Variants in GGA1 observed in about 807,000 individuals in gnomAD.
GGA1 encodes the protein golgi associated, gamma adaptin ear containing, ARF binding protein 1, also known as ADP-ribosylation factor-binding protein GGA1.
Under a neutral mutation model 76.9 loss-of-function variants are expected in GGA1, and 18 were observed. That is an observed-to-expected ratio of 0.23 (90% CI 0.16 to 0.35). The LOEUF (loss-of-function observed/expected upper bound fraction) is 0.35, where lower values mean the gene tolerates loss of function less well. Among genes scored for constraint, GGA1 ranks in the 10% least tolerant of loss-of-function variants. GGA1 has a pLI of 1.00. For synonymous variants in GGA1, 342 were observed against 354.7 expected (o/e 0.96, Z 0.40); for missense variants, 755 against 859.0 (o/e 0.88, Z 1.51).
chr22:37,613,220 C>T (rs933499321), intron 1 of GGA1: 2 of 943,410 alleles, frequency 2.1e-6, no homozygotes, highest in Admixed American at 6.2e-5. Context: ...ACTGAGGCCC[C>T]TCATTCTCTG....
Position 37,624,725 on chromosome 22 carries a change from G to A in GGA1, c.833-244G>A, listed in dbSNP as rs557670092. 8.5e-5 allele frequency: 39 copies of A among 458,716 alleles called. No homozygotes were observed. The highest frequency in any genetic ancestry group is 7.1e-4 in the African/African-American group (36 of 50,600). The allele number at this position is 458,716 out of a possible 1,614,324, so 28.4% of individuals were successfully genotyped here. A position where few individuals can be genotyped will look rare whatever the true frequency, so the allele number is the denominator to read the frequency against. ...AGAGCTGGAGTGGAGGCCTGGAGGC[G>A]GGAGCGGGCCCAGTGTGTTGAGACA... is the stretch of plus-strand genomic sequence containing the variant. On this transcript the variant is annotated intron_variant, in intron 9 of 16. Transcript: ENST00000343632. This position sits in a 1 kb window ranked among gnomAD's most constrained non-coding sequence, Gnocchi z 4.3.
intron 7 of GGA1, among the ~76,000 whole-genome samples, chr22:37,622,513 G>T (rs1243512414): frequency 2.0e-5 from 3 of 152,048 alleles, no homozygotes; most frequent in African/African-American, 7.3e-5. Flanking sequence ...GACCTCCTGG[G>T]CTCAAGCGAT....
In GGA1 at chr22:37,623,288, C is replaced by T. The variant is rs371394566; in HGVS notation, c.610-39C>T. The T allele has an allele frequency of 2.2e-5, 36 of 1,608,284 alleles. No homozygotes were observed. In the African/African-American group the frequency reaches 4.4e-4, roughly 20 times the overall value. ...GGCAGGGGGCAGTGCCTCGTCCAGG[C>T]CAAAGGTTCTCAGGGGCCCTTGGCC... is the stretch of plus-strand genomic sequence containing the variant. On this transcript the variant is annotated intron_variant, in intron 7 of 16. Coordinates refer to ENST00000343632, the MANE Select transcript of GGA1 (RefSeq NM_013365.5). The surrounding 1 kb of genome is among the most constrained non-coding windows in gnomAD (Gnocchi z 4.6).
chr22:37,619,000 C>T (rs1321567278), intron 4 of GGA1, among the ~76,000 whole-genome samples: 3 of 152,232 alleles, frequency 2.0e-5, no homozygotes, highest in Non-Finnish European at 4.4e-5. Flanking sequence ...GTGATGGAGC[C>T]TGCTGGCTCC....
Position 37,632,551 on chromosome 22 carries a change from C to T in GGA1, c.1809+36C>T, listed in dbSNP as rs772354051. 2.3e-5 allele frequency: 37 copies of T among 1,578,192 alleles called. No individual in the cohort carries two copies. The Admixed American group carries it at 3.2e-4, about 14-fold the overall frequency. On this transcript the variant is annotated intron_variant, in intron 16 of 16. Coordinates refer to ENST00000343632, the MANE Select transcript of GGA1 (RefSeq NM_013365.5). This position sits in a 1 kb window ranked among gnomAD's most constrained non-coding sequence, Gnocchi z 5.1. ...CCCAGGCAGTGCTGCAGGGTGGGGA[C>T]GGCCACTTCTCCTCCTCTGACCCCT...
In GGA1 at chr22:37,614,239, C is replaced by A; in HGVS notation, c.93C>A (p.Asn31Lys). The part of the protein sequence containing the change: ...LNKELDWASI[N>K]GFCEQLNEDF... Reference sequence around the variant, plus strand: ...AGGAGCTCGACTGGGCCAGCATCAACGGCTTCTGCGAGCAGCTCAACGAGG... The same window carrying A: ...AGGAGCTCGACTGGGCCAGCATCAAAGGCTTCTGCGAGCAGCTCAACGAGG... The change falls in exon 2 of 17, where the codon AAC (asparagine) becomes AAA (lysine). Residue 31 changes from asparagine (N) to lysine (K), a missense_variant. Physicochemically the swap from Asn to Lys is moderately conservative, Grantham distance 94 (BLOSUM62 0). Transcript: ENST00000343632. The A allele has an allele frequency of 6.2e-7, 1 of 1,613,806 alleles. No individual in the cohort carries two copies. Among genetic ancestry groups the A allele is most frequent in the African/African-American group, 1.3e-5 (1 of 75,048 alleles).
chr22:37,631,916 G>A, intron 14 of GGA1, 80 bp from the exon 15 acceptor site: 1 of 1,311,238 alleles, frequency 7.6e-7, no homozygotes, highest in Non-Finnish European at 1.1e-6. Flanking sequence ...CAGCTCCTGA[G>A]GCCAGCCGGG....
intron 2 of GGA1, among the ~76,000 whole-genome samples, chr22:37,616,070 C>T (rs906862137): frequency 3.9e-5 from 6 of 152,062 alleles, no homozygotes; most frequent in Non-Finnish European, 7.4e-5. Context: ...TCTCGATCTC[C>T]TGACCTCATG....
intron 4 of GGA1, among the ~76,000 whole-genome samples, 168 bp downstream of exon 4, chr22:37,618,714 C>T (rs985030647): frequency 6.6e-6 from 1 of 152,178 alleles, no homozygotes; most frequent in Non-Finnish European, 1.5e-5. Context: ...TCTCACAGTC[C>T]TCTCATACCT....
intron 7 of GGA1, among the ~76,000 whole-genome samples, chr22:37,622,824 C>G (rs1014300495): frequency 3.3e-5 from 5 of 152,224 alleles, no homozygotes; most frequent in African/African-American, 1.2e-4. Flanking sequence ...CAGGGGAAAG[C>G]CGGGCTGCTC....
chr22:37,608,975 G>T, intron 1 of GGA1, 72 bp downstream of exon 1: 1 of 1,332,258 alleles, frequency 7.5e-7, no homozygotes, highest in Non-Finnish European at 9.6e-7. Context: ...CCTTCCCGGC[G>T]GGGGCGGGGT....
chr22:37,608,920 G>A lies in GGA1; in HGVS notation c.43+17G>A. 2 of 1,322,828 alleles carry A rather than the reference G, an allele frequency of 1.5e-6. No individual in the cohort carries two copies. 81.9% of individuals were successfully genotyped at this position (1,322,828 alleles called of 1,614,324 possible). On this transcript the variant is annotated intron_variant, in intron 1 of 16. Transcript: ENST00000343632. The stretch of plus-strand genomic sequence containing the variant: ...CGCGAATCAGTGAGTGTCCGGGAGG[G>A]GCGCGGGCCGGACCGGAACCGGAAC...
intron 1 of GGA1, chr22:37,609,199 A>C: frequency 7.5e-7 from 1 of 1,334,624 alleles, no homozygotes. Context: ...GCAGCCTCCA[A>C]CCCCCAAGGC....
rs1348833339 is a variant in GGA1 at position 37,623,530 on chromosome 22, C to A, written c.751-22C>A. On this transcript the variant is annotated intron_variant, in intron 8 of 16. Transcript: ENST00000343632. The surrounding 1 kb of genome is among the most constrained non-coding windows in gnomAD (Gnocchi z 4.6). ...CTCCACAGCCCACGCGGACCCTGAC[C>A]CGCCCATCCTGCTGCCCTCAGGAAC... 2 of 1,612,782 alleles carry A rather than the reference C, an allele frequency of 1.2e-6. No individual in the cohort carries two copies. Among genetic ancestry groups the A allele is most frequent in the Non-Finnish European group, 1.7e-6 (2 of 1,179,156 alleles).
chr22:37,618,508 C>T lies in GGA1; in HGVS notation c.265C>T (p.Arg89Cys), dbSNP rs754232613. 4 of 1,613,516 alleles carry T rather than the reference C, an allele frequency of 2.5e-6. No individual in the cohort carries two copies. The highest frequency in any genetic ancestry group is 1.7e-5 in the Admixed American group (1 of 60,024). ...KRFHDEVGKF[R>C]FLNELIKVVS... ...GTTCCACGACGAAGTGGGCAAGTTC[C>T]GCTTTCTCAACGAGCTCATCAAGGT... is the stretch of plus-strand genomic sequence containing the variant. Residue 89 changes from arginine to cysteine, a missense_variant, in exon 4 of 17, where the codon CGC becomes TGC. Coordinates refer to ENST00000343632, the MANE Select transcript of GGA1 (RefSeq NM_013365.5).
Position 37,614,218 on chromosome 22 carries a change from G to A in GGA1, c.72G>A (p.Glu24=). The A allele has an allele frequency of 1.2e-6, 2 of 1,613,838 alleles. No homozygotes were observed. The highest frequency in any genetic ancestry group is 2.2e-5 in the South Asian group (2 of 91,080). Residue 24 remains glutamate, a synonymous_variant, in exon 2 of 17, where the codon GAG becomes GAA. Transcript: ENST00000343632. The stretch of plus-strand genomic sequence containing the variant: ...GAGCCACGAACCCCCTGAACAAGGA[G>A]CTCGACTGGGCCAGCATCAACGGCT... ...INRATNPLNK[E]LDWASINGFC... is the part of the protein sequence containing the mutation.
chr22:37,623,518 G>T lies in GGA1; in HGVS notation c.751-34G>T, dbSNP rs367684711. 2.5e-5 allele frequency: 40 copies of T among 1,612,860 alleles called. No homozygotes were observed. Among genetic ancestry groups the T allele is most frequent in the Non-Finnish European group, 3.1e-5 (36 of 1,179,326 alleles). The stretch of plus-strand genomic sequence containing the variant: ...ACTCCCTGCCCACTCCACAGCCCAC[G>T]CGGACCCTGACCCGCCCATCCTGCT... On this transcript the variant is annotated intron_variant, in intron 8 of 16. Transcript: ENST00000343632. The surrounding 1 kb of genome is among the most constrained non-coding windows in gnomAD (Gnocchi z 4.6).
chr22:37,630,052 G>A lies in GGA1; in HGVS notation c.1213G>A (p.Glu405Lys), dbSNP rs140112498. 0.016 allele frequency: 25,711 copies of A among 1,605,586 alleles called. 233 individuals carry two copies. Among genetic ancestry groups the A allele is most frequent in the Non-Finnish European group, 0.018 (20,923 of 1,174,284 alleles). Residue 405 changes from glutamate (E) to lysine (K), a missense_variant, in exon 13 of 17, where the codon GAA (glutamate) becomes AAA (lysine). By Grantham distance (56) the Glu-to-Lys change is moderately conservative. Transcript: ENST00000343632. ...TGCTCTGGCCCAGGCCCCCAGTATG[G>A]AAAGCCGACCCCCAGCGCAGACATC... Reference protein sequence around the residue: ...APALAQAPSMESRPPAQTSLP... With the variant: ...APALAQAPSMKSRPPAQTSLP...
chr22:37,625,192 C>T lies in GGA1; in HGVS notation c.940+116C>T. On this transcript the variant is annotated intron_variant, in intron 10 of 16. Coordinates refer to ENST00000343632, the MANE Select transcript of GGA1 (RefSeq NM_013365.5). The surrounding 1 kb of genome is among the most constrained non-coding windows in gnomAD (Gnocchi z 4.1). The stretch of plus-strand genomic sequence containing the variant: ...GAATGACTGCCAGGGTGACCCTGGC[C>T]CCTTAAGATGGGGAAGGCCCCAGGG... The T allele has an allele frequency of 1.1e-6, 1 of 918,832 alleles. No individual in the cohort carries two copies. Among genetic ancestry groups the T allele is most frequent in the Non-Finnish European group, 1.7e-6 (1 of 601,404 alleles). 56.9% of individuals were successfully genotyped at this position (918,832 alleles called of 1,614,324 possible).
Sources: allele counts gnomAD v4.1 joint callset (sites outside exome capture counted in the v4.1 genomes callset), GRCh38; gene constraint gnomAD v4.1.1; non-coding constraint Gnocchi (gnomAD v3.1); transcripts MANE v1.5; gene names NCBI Gene and HGNC (gene_info 2026-07-23, HGNC 2026-07-21).